The following GDF1 variants were observed in gnomAD, a reference collection of about 807,000 sequenced individuals.
The protein encoded by GDF1 is embryonic growth/differentiation factor 1.
A neutral mutation model predicts 7.4 loss-of-function variants in GDF1; 8 were observed. The observed-to-expected ratio is 1.09, with a 90% CI of 0.64 to 1.96. The LOEUF is 1.96. GDF1 is among the 30% of genes most tolerant of loss of function. The probability of loss-of-function intolerance (pLI) is 0.00; values close to 1 mark genes in which losing one functional copy is unlikely to be tolerated. For synonymous variants in GDF1, 311 were observed against 276.7 expected, an observed-to-expected ratio of 1.12 and a Z score of -1.23; for missense variants, 574 against 551.5, an observed-to-expected ratio of 1.04 and a Z score of -0.41.
In GDF1 at chr19:18,878,672, G is replaced by C; in HGVS notation, c.-313+258C>G. 7.7e-7 allele frequency: 1 copy of C among 1,303,344 alleles called. No individual in the cohort carries two copies. The highest frequency in any genetic ancestry group is 9.8e-7 in the Non-Finnish European group (1 of 1,018,354). The allele number at this position is 1,303,344 out of a possible 1,614,324, so 80.7% of individuals were successfully genotyped here. The stretch of plus-strand genomic sequence containing the variant: ...CCAGCCACTAGGCCTGGCCCTCAGT[G>C]TCCCTACCGCTGAGACCCTGCCTGT... On this transcript the variant is annotated intron_variant, in intron 6 of 7. Transcript: ENST00000247005. The surrounding 1 kb of genome is among the most constrained non-coding windows in gnomAD (Gnocchi z 4.6).
chr19:18,885,686 AT>A (rs920494581), intron 2 of GDF1, among the ~76,000 whole-genome samples: 114 of 141,256 alleles, frequency 8.1e-4, no homozygotes, highest in East Asian at 2.3e-3. Context: ...TGCCTGGCTA[AT>A]TTTTTTTTTT....
chr19:18,878,128 G>T lies in GDF1; in HGVS notation c.-313+802C>A. ...AACCATCGTTCCCACGTCACCGATG[G>T]CCCCCACCGGCCAAATCAGAGGGCC... is the stretch of plus-strand genomic sequence containing the variant. On this transcript the variant is annotated intron_variant, in intron 6 of 7. Coordinates refer to ENST00000247005, the MANE Select transcript of GDF1 (RefSeq NM_001492.6). The surrounding 1 kb of genome is among the most constrained non-coding windows in gnomAD (Gnocchi z 4.6). 1 of 985,414 alleles carries T rather than the reference G, an allele frequency of 1.0e-6. No homozygotes were observed. The highest frequency in any genetic ancestry group is 4.7e-5 in the South Asian group (1 of 21,276). 61.0% of individuals were successfully genotyped at this position (985,414 alleles called of 1,614,324 possible). A position where few individuals can be genotyped will look rare whatever the true frequency, so the allele number is the denominator to read the frequency against.
chr19:18,868,619 A>ACCACCATGTCCT lies in GDF1; in HGVS notation c.1085_1096dup (p.Glu362_Val365dup). 6.4e-7 allele frequency: 1 copy of ACCACCATGTCCT among 1,567,846 alleles called. No individual in the cohort carries two copies. Among genetic ancestry groups the ACCACCATGTCCT allele is most frequent in the Non-Finnish European group, 8.6e-7 (1 of 1,156,500 alleles). On this transcript the variant is annotated inframe_insertion, in exon 8 of 8. Coordinates refer to ENST00000247005, the MANE Select transcript of GDF1 (RefSeq NM_001492.6). Reference sequence around the variant, plus strand: ...GGGTTAGCGGCAGCCGCACTCGTCCACCACCATGTCCTCATACTGCCGCAG... The same window carrying ACCACCATGTCCT: ...GGGTTAGCGGCAGCCGCACTCGTCCACCACCATGTCCTCCACCATGTCCTCATACTGCCGCAG...
chr19:18,893,393 G>A (rs557536141), intron 2 of GDF1, 23 bp downstream of exon 2: 17 of 1,587,232 alleles, frequency 1.1e-5, no homozygotes, highest in African/African-American at 2.7e-5. Context: ...GAGCCCTCCC[G>A]GCCATCCCCT....
chr19:18,885,696 T>G (rs2056338768), intron 2 of GDF1, among the ~76,000 whole-genome samples: 1 of 151,330 alleles, frequency 6.6e-6, no homozygotes, highest in Non-Finnish European at 1.5e-5. Context: ...ATTTTTTTTT[T>G]TTTCAGTAGA....
In GDF1 at chr19:18,869,212, C is replaced by G. The variant is rs1415775845; in HGVS notation, c.504G>C (p.Ala168=). ...CCGCGCCCGCGCCCTGGCCCGCTTGCGCCACGCTCAGCTCCCAGCCGCCCT... is the reference window on the plus strand; with the variant it reads ...CCGCGCCCGCGCCCTGGCCCGCTTGGGCCACGCTCAGCTCCCAGCCGCCCT... The part of the protein sequence containing the change: ...APEGGWELSV[A]QAGQGAGADP... Residue 168 remains alanine, a synonymous_variant, in exon 8 of 8, where the codon GCG becomes GCC. Coordinates refer to ENST00000247005, the MANE Select transcript of GDF1 (RefSeq NM_001492.6). The G allele has an allele frequency of 7.7e-7, 1 of 1,304,366 alleles. No individual in the cohort carries two copies. The highest frequency in any genetic ancestry group is 1.6e-5 in the African/African-American group (1 of 63,246). The allele number at this position is 1,304,366 out of a possible 1,614,324, so 80.8% of individuals were successfully genotyped here.
At chr19:18,879,075 A>G in intron 5 of GDF1, 36 bp from the exon 6 acceptor site, 1 of 1,606,834 alleles carries the variant, frequency 6.2e-7, no homozygotes, top group South Asian at 1.1e-5. Context: ...GTGAGAAGAA[A>G]GCCCCCACGC....
Position 18,870,343 on chromosome 19 carries a change from T to C in GDF1, c.-36A>G, listed in dbSNP as rs1448087387. 1 of 1,540,580 alleles carries C rather than the reference T, an allele frequency of 6.5e-7. No homozygotes were observed. The highest frequency in any genetic ancestry group is 8.7e-7 in the Non-Finnish European group (1 of 1,145,196). ...GGCGATGACCAGAGAGTGCGCAGGGTCCGCGGCGGCCCGGGACCAGTGGGC... is the reference window on the plus strand; with the variant it reads ...GGCGATGACCAGAGAGTGCGCAGGGCCCGCGGCGGCCCGGGACCAGTGGGC... On this transcript the variant is annotated 5_prime_UTR_variant, in exon 7 of 8. Transcript: ENST00000247005. The surrounding 1 kb of genome is among the most constrained non-coding windows in gnomAD (Gnocchi z 5.1).
intron 2 of GDF1, 25 bp from the exon 3 acceptor site, chr19:18,884,292 C>A: frequency 6.3e-7 from 1 of 1,593,514 alleles, no homozygotes; most frequent in South Asian, 1.1e-5. Context: ...ATCTCACAGT[C>A]AGGGCCCTGC....
In GDF1 at chr19:18,869,509, G is replaced by A. The variant is rs529560442; in HGVS notation, c.326-119C>T. On this transcript the variant is annotated intron_variant, in intron 7 of 7. Transcript: ENST00000247005. ...GCTCGGGGCGCACCGTCTGTGGGAAGGGTGTGAAGCGGCGGGGTGGGCTGA... is the reference window on the plus strand; with the variant it reads ...GCTCGGGGCGCACCGTCTGTGGGAAAGGTGTGAAGCGGCGGGGTGGGCTGA... The A allele has an allele frequency of 8.1e-6, 11 of 1,362,716 alleles. No homozygotes were observed. The East Asian group carries it at 3.1e-4, about 39-fold the overall frequency. 84.4% of individuals were successfully genotyped at this position (1,362,716 alleles called of 1,614,324 possible).
intron 6 of GDF1, among the ~76,000 whole-genome samples, chr19:18,875,258 G>C (rs1170687826): frequency 6.8e-6 from 1 of 147,970 alleles, no homozygotes; most frequent in Admixed American, 6.7e-5. Context: ...AAGAAAGAAA[G>C]AAACAGGCTG....
intron 3 of GDF1, among the ~76,000 whole-genome samples, chr19:18,882,430 C>T (rs2056234204): frequency 6.6e-6 from 1 of 151,398 alleles, no homozygotes; most frequent in Non-Finnish European, 1.5e-5. Context: ...GTCAGGAGTT[C>T]GAGTCCAGCC....
intron 2 of GDF1, among the ~76,000 whole-genome samples, chr19:18,884,665 C>G (rs902980760): frequency 6.7e-6 from 1 of 150,032 alleles, no homozygotes; most frequent in Non-Finnish European, 1.5e-5. Context: ...CCTCGGCCTC[C>G]CAAAGTTCTG....
rs573367364 is a variant in GDF1, at chr19:18,882,118, A to G, written c.-732-1683T>C. ...AGCCACTGCACCTGGCCTTTTCTCC[A>G]TAATTCTTATCACCTTCAAATGAAC... On this transcript the variant is annotated intron_variant, in intron 3 of 7. Transcript: ENST00000247005. 3.9e-5 allele frequency: 6 copies of G among 154,404 alleles called. No individual in the cohort carries two copies. The South Asian group carries it at 1.0e-3, about 26-fold the overall frequency. 9.6% of individuals were successfully genotyped at this position (154,404 alleles called of 1,614,324 possible).
At chr19:18,889,982 T>C (rs535962892) in intron 2 of GDF1, among the ~76,000 whole-genome samples, 57 of 152,296 alleles carry the variant, frequency 3.7e-4, no homozygotes, top group Non-Finnish European at 7.6e-4. Context: ...TCAATCCTGG[T>C]GGGAGTCCCT....
chr19:18,878,902 C>A lies in GDF1; in HGVS notation c.-313+28G>T. ...GGACGGGTGACACTAAAGGAGGGAA[C>A]GCGGGGTGCGGGCCCCTCCACACTC... On this transcript the variant is annotated intron_variant, in intron 6 of 7. Coordinates refer to ENST00000247005, the MANE Select transcript of GDF1 (RefSeq NM_001492.6). The surrounding 1 kb of genome is among the most constrained non-coding windows in gnomAD (Gnocchi z 4.6). The A allele has an allele frequency of 6.2e-7, 1 of 1,610,440 alleles. No homozygotes were observed. Among genetic ancestry groups the A allele is most frequent in the East Asian group, 2.2e-5 (1 of 44,794 alleles).
Position 18,869,177 on chromosome 19 carries a change from G to A in GDF1, c.539C>T (p.Pro180Leu). 8.6e-7 allele frequency: 1 copy of A among 1,158,934 alleles called. No individual in the cohort carries two copies. The highest frequency in any genetic ancestry group is 1.1e-6 in the Non-Finnish European group (1 of 942,416). The allele number at this position is 1,158,934 out of a possible 1,614,324, so 71.8% of individuals were successfully genotyped here. ...GGGCACCAACTGGCGGAGCAGCACC[G>A]GCCCGGGGTCCGCGCCCGCGCCCTG... is the stretch of plus-strand genomic sequence containing the variant. ...AGQGAGADPG[P>L]VLLRQLVPAL... is the part of the protein sequence containing the mutation. The change falls in exon 8 of 8, where the codon CCG (proline) becomes CTG (leucine). Residue 180 changes from proline to leucine, a missense_variant. Transcript: ENST00000247005.
At chr19:18,885,906 C>T (rs952303986) in intron 2 of GDF1, among the ~76,000 whole-genome samples, 1 of 152,192 alleles carries the variant, frequency 6.6e-6, no homozygotes. Context: ...CGGCTGCCCA[C>T]GGAGTCTTGC....
chr19:18,880,366 C>A lies in GDF1; in HGVS notation c.-663G>T. 1 of 1,573,290 alleles carries A rather than the reference C, an allele frequency of 6.4e-7. No individual in the cohort carries two copies. Among genetic ancestry groups the A allele is most frequent in the Non-Finnish European group, 8.6e-7 (1 of 1,159,362 alleles). On this transcript the variant is annotated 5_prime_UTR_variant, in exon 4 of 8. Transcript: ENST00000247005. ...CGCGGGACTTGAAGTAAATGTTGAG[C>A]TTGGTGAACTCAAGCTGCACGTCAC... is the stretch of plus-strand genomic sequence containing the variant.
Sources: allele counts gnomAD v4.1 joint callset (sites outside exome capture counted in the v4.1 genomes callset), GRCh38; gene constraint gnomAD v4.1.1; non-coding constraint Gnocchi (gnomAD v3.1); transcripts MANE v1.5; gene names NCBI Gene and HGNC (gene_info 2026-07-23, HGNC 2026-07-21).